The following FRY variants were observed in gnomAD, a reference collection of about 807,000 sequenced individuals.
The protein encoded by FRY is FRY microtubule binding protein, also known as protein furry homolog.
FRY carries 128 observed loss-of-function variants against 348.4 expected under a neutral mutation model. The observed-to-expected ratio is 0.37, with a 90% confidence interval of 0.32 to 0.43. The LOEUF (loss-of-function observed/expected upper bound fraction) is 0.43, where lower values mean the gene tolerates loss of function less well. Ranked by LOEUF, FRY falls within the 20% of genes least tolerant of loss-of-function variation. The pLI is 1.00. For synonymous variants in FRY, 1,370 were observed against 1,374.7 expected (o/e 1.00, Z 0.08); for missense variants, 2,736 against 3,695.2 (o/e 0.74, Z 6.73).
chr13:32,163,584 T>C (rs529993959), intron 17 of FRY, among the ~76,000 whole-genome samples: 4 of 152,202 alleles, frequency 2.6e-5, no homozygotes, highest in Admixed American at 6.5e-5. Flanking sequence ...AGAAGTCTAA[T>C]TGGTGATTAT....
At chr13:32,124,501 T>G in intron 5 of FRY, 101 bp from the exon 6 acceptor site, 1 of 869,244 alleles carries the variant, frequency 1.2e-6, no homozygotes, top group South Asian at 1.4e-5. Flanking sequence ...TGACTTATGT[T>G]TATTGATTGC....
chr13:32,058,395 A>G (rs1366130027), intron 1 of FRY, among the ~76,000 whole-genome samples: 1 of 152,238 alleles, frequency 6.6e-6, no homozygotes. Context: ...AGTAAATATT[A>G]ATTATTAGAG....
In FRY at chr13:32,184,678, G is replaced by A. The variant is rs764647185; in HGVS notation, c.3133G>A (p.Val1045Ile). 12 of 1,596,284 alleles carry A rather than the reference G, an allele frequency of 7.5e-6. No homozygotes were observed. Among genetic ancestry groups the A allele is most frequent in the Non-Finnish European group, 9.5e-6 (11 of 1,163,702 alleles). Reference protein sequence around the residue: ...RIFELLADAGVISDSTNGALE... With the variant: ...RIFELLADAGIISDSTNGALE... ...TTTTGAACTTTTGGCTGATGCTGGTGTAATAAGTGACAGGTAGGATCAGAA... is the reference window on the plus strand; with the variant it reads ...TTTTGAACTTTTGGCTGATGCTGGTATAATAAGTGACAGGTAGGATCAGAA... Residue 1045 changes from valine (V) to isoleucine (I), a missense_variant, in exon 25 of 61, where the codon GTA becomes ATA. Transcript: ENST00000542859.
At chr13:32,103,842 CTG>C in intron 3 of FRY, among the ~76,000 whole-genome samples, 1 of 152,164 alleles carries the variant, frequency 6.6e-6, no homozygotes. Flanking sequence ...TGGCACATGT[CTG>C]TGGTCCCAGC....
At chr13:32,176,685 A>G (rs1047502360) in intron 20 of FRY, among the ~76,000 whole-genome samples, 5 of 152,202 alleles carry the variant, frequency 3.3e-5, no homozygotes, top group Admixed American at 6.5e-5. Context: ...AACACTTTAT[A>G]TTTTGTTCAT....
intron 1 of FRY, among the ~76,000 whole-genome samples, chr13:32,071,296 C>G (rs1874642011): frequency 6.6e-6 from 1 of 152,084 alleles, no homozygotes; most frequent in African/African-American, 2.4e-5. Flanking sequence ...TATAAATTAC[C>G]TTGTGCAGTA....
intron 11 of FRY, among the ~76,000 whole-genome samples, chr13:32,138,140 T>C (rs1879836773): frequency 6.6e-6 from 1 of 151,236 alleles, no homozygotes; most frequent in South Asian, 2.1e-4. Flanking sequence ...TTGTTTTGTT[T>C]TTTTGTTTTT....
At chr13:32,059,118 CT>C (rs961587626) in intron 1 of FRY, among the ~76,000 whole-genome samples, 3 of 151,986 alleles carry the variant, frequency 2.0e-5, no homozygotes, top group African/African-American at 4.8e-5. Flanking sequence ...CCTTTTCTAC[CT>C]TTTTTTCTCT....
intron 1 of FRY, among the ~76,000 whole-genome samples, chr13:32,052,837 G>T (rs536200769): frequency 6.6e-6 from 1 of 152,112 alleles, no homozygotes; most frequent in Non-Finnish European, 1.5e-5. Flanking sequence ...TTTCTGGCTG[G>T]GCACGATGGC....
rs775344568 is a variant in FRY at position 32,135,192 on chromosome 13, CTA to C, written c.1077+11_1077+12del. ...GAAAGAAGCATTCCTTGGTTAGTAACTATGAGAAAATCGAAAACACAAACAAA... is the reference window on the plus strand; with the variant it reads ...GAAAGAAGCATTCCTTGGTTAGTAACTGAGAAAATCGAAAACACAAACAAA... On this transcript the variant is annotated intron_variant, in intron 10 of 60. Coordinates refer to ENST00000542859, the MANE Select transcript of FRY (RefSeq NM_023037.3). 6.5e-7 allele frequency: 1 copy of C among 1,547,166 alleles called. No individual in the cohort carries two copies. The highest frequency in any genetic ancestry group is 8.9e-7 in the Non-Finnish European group (1 of 1,119,044).
At chr13:32,141,819 G>A (rs78806144) in intron 11 of FRY, among the ~76,000 whole-genome samples, 3,399 of 152,280 alleles carry the variant, frequency 0.022, 58 homozygotes, top group Non-Finnish European at 0.034. Context: ...TTATTAGATA[G>A]GCTGACACAT....
chr13:32,276,151 G>A (rs1244377891), intron 56 of FRY, among the ~76,000 whole-genome samples: 1 of 152,220 alleles, frequency 6.6e-6, no homozygotes, highest in Non-Finnish European at 1.5e-5. Context: ...ATTGGGTGAT[G>A]ACAGTAGAAG....
intron 47 of FRY, among the ~76,000 whole-genome samples, chr13:32,246,107 C>T (rs1292056627): frequency 6.6e-6 from 1 of 152,136 alleles, no homozygotes; most frequent in African/African-American, 2.4e-5. Context: ...GAATGTGTGC[C>T]CCATTTTGTT....
At chr13:32,209,433 T>G in intron 32 of FRY, 152 bp from the exon 33 acceptor site, 2 of 777,716 alleles carry the variant, frequency 2.6e-6, no homozygotes, top group South Asian at 2.9e-5. Flanking sequence ...AACTACTGTT[T>G]ACTGAAAGAT....
chr13:32,098,321 T>A (rs924804434), intron 2 of FRY, among the ~76,000 whole-genome samples: 1 of 152,094 alleles, frequency 6.6e-6, no homozygotes, highest in Non-Finnish European at 1.5e-5. Flanking sequence ...TGTCACATGC[T>A]ACATATCAGG....
intron 31 of FRY, 110 bp downstream of exon 31, chr13:32,202,637 T>C (rs1884099477): frequency 2.0e-6 from 2 of 1,018,490 alleles, no homozygotes; most frequent in Non-Finnish European, 1.5e-6. Context: ...TAATTTTTCT[T>C]TTTAAATTCT....
intron 4 of FRY, among the ~76,000 whole-genome samples, chr13:32,119,249 A>G (rs1250693237): frequency 1.3e-5 from 2 of 152,078 alleles, no homozygotes; most frequent in Admixed American, 6.6e-5. Context: ...TGCTACTAGG[A>G]AAAAAAGGTT....
intron 50 of FRY, 122 bp from the exon 51 acceptor site, chr13:32,254,102 A>G (rs887249599): frequency 9.0e-6 from 8 of 888,714 alleles, no homozygotes; most frequent in South Asian, 4.0e-5. Flanking sequence ...TTCTAAAAAT[A>G]CCCACTGAAG....
chr13:32,236,036 G>C (rs1043525705), intron 42 of FRY, 42 bp from the exon 43 acceptor site: 3 of 1,237,996 alleles, frequency 2.4e-6, no homozygotes, highest in Non-Finnish European at 3.6e-6. Context: ...AATTAACAAT[G>C]GTTACAAGCA....
Sources: gnomAD v4.1 joint callset for allele counts (sites outside exome capture counted in the v4.1 genomes callset) on GRCh38, gnomAD v4.1.1 for gene constraint, MANE v1.5 for transcripts, NCBI Gene and HGNC (gene_info 2026-07-23, HGNC 2026-07-21) for gene names.